EYS: variants seen among roughly 807,000 people sequenced by gnomAD.
The protein encoded by EYS is EGF-like photoreceptor maintenance factor, also known as protein eyes shut homolog.
In EYS, 250 loss-of-function variants were observed where a neutral mutation model predicts 282.1. The ratio of observed to expected loss-of-function variants is 0.89; its 90% CI spans 0.80 to 0.98. EYS has a LOEUF of 0.98. EYS is among the 50% of genes least tolerant of loss of function. The probability of loss-of-function intolerance (pLI) is 0.00; values close to 1 mark genes in which losing one functional copy is unlikely to be tolerated. For synonymous variants in EYS, 1,355 were observed against 1,282.9 expected, an observed-to-expected ratio of 1.06 and a Z score of -1.20; for missense variants, 4,016 against 3,709.0, an observed-to-expected ratio of 1.08 and a Z score of -2.15.
intron 26 of EYS, among the ~76,000 whole-genome samples, chr6:64,581,939 T>C (rs370172207): frequency 7.8e-4 from 119 of 152,300 alleles, no homozygotes; most frequent in African/African-American, 2.8e-3. Flanking sequence ...GTCTGAAATC[T>C]GAACTTTTCT....
chr6:64,089,971 C>G (rs989920544), intron 31 of EYS, among the ~76,000 whole-genome samples: 1 of 152,024 alleles, frequency 6.6e-6, no homozygotes, highest in Non-Finnish European at 1.5e-5. Context: ...CTTTTTCATC[C>G]CTGATTTCTC....
intron 33 of EYS, among the ~76,000 whole-genome samples, chr6:64,037,261 C>T (rs1286431552): frequency 2.6e-5 from 4 of 152,132 alleles, no homozygotes; most frequent in African/African-American, 9.7e-5. Flanking sequence ...TTTCATTAGT[C>T]ATTTTTAACC....
chr6:64,157,336 A>G (rs555379602), intron 31 of EYS, among the ~76,000 whole-genome samples: 58 of 152,256 alleles, frequency 3.8e-4, no homozygotes, highest in African/African-American at 1.4e-3. Flanking sequence ...AGGGATGTAG[A>G]GCATAAAAGT....
At chr6:63,941,878 A>T (rs1424701186) in intron 35 of EYS, among the ~76,000 whole-genome samples, 1 of 152,218 alleles carries the variant, frequency 6.6e-6, no homozygotes, top group Non-Finnish European at 1.5e-5. Context: ...CAATGAGAAC[A>T]CTTGTTCTGA....
intron 30 of EYS, among the ~76,000 whole-genome samples, chr6:64,299,428 T>A (rs1769151912): frequency 6.6e-6 from 1 of 152,326 alleles, no homozygotes; most frequent in East Asian, 1.9e-4. Flanking sequence ...ACATTATTCA[T>A]CCATTGTGCA....
At chr6:63,960,966 C>T (rs1192632863) in intron 35 of EYS, among the ~76,000 whole-genome samples, 1 of 152,158 alleles carries the variant, frequency 6.6e-6, no homozygotes, top group Non-Finnish European at 1.5e-5. Context: ...TAACCTCATC[C>T]AAATTCAACC....
intron 22 of EYS, among the ~76,000 whole-genome samples, chr6:64,675,701 T>C (rs1335465563): frequency 6.6e-6 from 1 of 151,946 alleles, no homozygotes; most frequent in African/African-American, 2.4e-5. Flanking sequence ...GTGCTGGGAT[T>C]ACAGGCATGA....
intron 36 of EYS, among the ~76,000 whole-genome samples, chr6:63,856,253 C>CA (rs59161397): frequency 0.12 from 18,349 of 152,074 alleles, 1,322 homozygotes; most frequent in African/African-American, 0.19. Context: ...CAGAGGTTTA[C>CA]TTTCCACACA....
intron 22 of EYS, among the ~76,000 whole-genome samples, chr6:64,686,567 C>G (rs1770111115): frequency 1.3e-5 from 2 of 149,880 alleles, no homozygotes; most frequent in South Asian, 4.2e-4. Flanking sequence ...CGGTAAAACC[C>G]CGTCTCTACT....
At chr6:64,630,712 A>G (rs148666275) in intron 22 of EYS, among the ~76,000 whole-genome samples, 223 of 152,204 alleles carry the variant, frequency 1.5e-3, no homozygotes, top group African/African-American at 5.1e-3. Flanking sequence ...CCATGATTTC[A>G]ATTTTAAACT....
intron 31 of EYS, among the ~76,000 whole-genome samples, chr6:64,090,906 T>C (rs370033051): frequency 2.1e-4 from 32 of 152,190 alleles, no homozygotes; most frequent in African/African-American, 7.5e-4. Context: ...ATCTCCTCTG[T>C]TAATTACTGC....
intron 26 of EYS, among the ~76,000 whole-genome samples, chr6:64,482,261 G>C (rs1025180546): frequency 3.3e-5 from 5 of 151,664 alleles, no homozygotes; most frequent in African/African-American, 4.8e-5. Context: ...AAGGGGAATA[G>C]GGTCAATATT....
At chr6:64,735,515 A>C (rs1772157831) in intron 22 of EYS, among the ~76,000 whole-genome samples, 1 of 152,232 alleles carries the variant, frequency 6.6e-6, no homozygotes, top group Non-Finnish European at 1.5e-5. Context: ...AAGAAAAAAC[A>C]CAAAATTTGA....
chr6:64,783,794 AT>A (rs934033550), intron 22 of EYS, among the ~76,000 whole-genome samples: 10 of 152,220 alleles, frequency 6.6e-5, no homozygotes, highest in Admixed American at 2.6e-4. Flanking sequence ...AATCATCCAA[AT>A]TTTTTTAACA....
intron 31 of EYS, among the ~76,000 whole-genome samples, chr6:64,116,187 T>C (rs1043326420): frequency 6.6e-6 from 1 of 152,006 alleles, no homozygotes; most frequent in Admixed American, 6.6e-5. Context: ...TCTGTGGACC[T>C]GAAGACAGGT....
At position 65,511,934 on chromosome 6, in the gene EYS, G is replaced by A. The variant is rs182135438; in HGVS notation, c.-332-15941C>T. On this transcript the variant is annotated intron_variant, in intron 2 of 42. Transcript: ENST00000503581. ...AGGCAGGCGGAGATTGCAGTGAGCC[G>A]AGATTATGCCACTGCACTCCAGCCT... 7.7e-3 allele frequency among the ~76,000 whole-genome samples: 1,082 copies of A among 141,068 alleles called. 17 individuals are homozygous for A. Among genetic ancestry groups the A allele is most frequent in the African/African-American group, 0.026 (969 of 37,218 alleles). 92.5% of individuals were successfully genotyped at this position (141,068 alleles called of 152,430 possible). A position where few individuals can be genotyped will look rare whatever the true frequency, so the allele number is the denominator to read the frequency against.
chr6:65,250,351 A>G (rs1025778822), intron 12 of EYS, among the ~76,000 whole-genome samples: 19 of 152,006 alleles, frequency 1.2e-4, no homozygotes, highest in African/African-American at 4.1e-4. Flanking sequence ...AGTCTAGGTT[A>G]TACCTATTAA....
Position 64,590,802 on chromosome 6 carries a change from T to A in EYS, c.5065A>T (p.Thr1689Ser). The A allele has an allele frequency of 6.5e-7, 1 of 1,549,504 alleles. No individual in the cohort carries two copies. The highest frequency in any genetic ancestry group is 8.7e-7 in the Non-Finnish European group (1 of 1,145,460). The change falls in exon 26 of 43, where the codon ACT becomes TCT. Residue 1689 changes from threonine to serine, a missense_variant. Physicochemically the swap from Thr to Ser is moderately conservative, Grantham distance 58. Transcript: ENST00000503581. ...TTTTCTGATACTGACAGTTCATCAGTAGTCATTTTTGAAGTCAAATCAGAA... is the reference window on the plus strand; with the variant it reads ...TTTTCTGATACTGACAGTTCATCAGAAGTCATTTTTGAAGTCAAATCAGAA... ...MNSDLTSKMT[T>S]DELSVSENIL...
chr6:63,783,991 GA>G (rs1770302775), intron 39 of EYS, among the ~76,000 whole-genome samples: 1 of 151,980 alleles, frequency 6.6e-6, no homozygotes, highest in South Asian at 2.1e-4. Context: ...GACCTAAATG[GA>G]ACAAAAAAGA....
Sources: gnomAD v4.1 joint callset for allele counts (sites outside exome capture counted in the v4.1 genomes callset) on GRCh38, gnomAD v4.1.1 for gene constraint, MANE v1.5 for transcripts, NCBI Gene and HGNC (gene_info 2026-07-23, HGNC 2026-07-21) for gene names.